The following PDZRN4 variants were observed in gnomAD, a reference collection of about 807,000 sequenced individuals.
The protein encoded by PDZRN4 is PDZ domain-containing RING finger protein 4.
PDZRN4 carries 70 observed loss-of-function variants against 99.0 expected under a neutral mutation model. The observed-to-expected ratio is 0.71, with a 90% CI of 0.58 to 0.86. PDZRN4 has a LOEUF of 0.86. Among genes scored for constraint, PDZRN4 ranks in the 40% least tolerant of loss-of-function variants. The pLI is 0.00. For synonymous variants in PDZRN4, 551 were observed against 501.6 expected (o/e 1.10, Z -1.32); for missense variants, 1,474 against 1,331.2 (o/e 1.11, Z -1.67).
In PDZRN4 at chr12:41,485,389, C is replaced by T. The variant is rs577077373; in HGVS notation, c.844-21067C>T. On this transcript the variant is annotated intron_variant, in intron 3 of 9. Transcript: ENST00000402685. Reference sequence around the variant, plus strand: ...ACTAGCTATTCCTGTGTTTCAATTCCGGTACGGAAATGACAAGTCAGGAAA... The same window carrying T: ...ACTAGCTATTCCTGTGTTTCAATTCTGGTACGGAAATGACAAGTCAGGAAA... Among the ~76,000 whole-genome samples the T allele has an allele frequency of 2.6e-5, 4 of 152,256 alleles. No individual in the cohort carries two copies. The South Asian group carries it at 6.2e-4, about 24-fold the overall frequency.
At chr12:41,551,833 C>CA (rs1190834997) in intron 5 of PDZRN4, among the ~76,000 whole-genome samples, 21 of 152,176 alleles carry the variant, frequency 1.4e-4, no homozygotes, top group Non-Finnish European at 2.9e-5. Flanking sequence ...ATCCTGAAGT[C>CA]ATCGGCTTCT....
intron 3 of PDZRN4, among the ~76,000 whole-genome samples, chr12:41,485,733 T>C (rs2120613001): frequency 6.6e-6 from 1 of 152,314 alleles, no homozygotes; most frequent in Non-Finnish European, 1.5e-5. Context: ...ATTCTTGTTC[T>C]CTGACATGAT....
chr12:41,450,719 T>C (rs1952767520), intron 3 of PDZRN4, among the ~76,000 whole-genome samples: 1 of 152,138 alleles, frequency 6.6e-6, no homozygotes, highest in Non-Finnish European at 1.5e-5. Context: ...GCCAGAAGTT[T>C]GAAACCAGCC....
At chr12:41,499,618 A>G (rs999200378) in intron 3 of PDZRN4, among the ~76,000 whole-genome samples, 1 of 152,130 alleles carries the variant, frequency 6.6e-6, no homozygotes, top group Non-Finnish European at 1.5e-5. Flanking sequence ...AGATAATGAA[A>G]GGAAAAAGCA....
intron 5 of PDZRN4, among the ~76,000 whole-genome samples, chr12:41,517,265 A>T (rs1938417415): frequency 1.3e-5 from 2 of 152,096 alleles, no homozygotes; most frequent in African/African-American, 4.8e-5. Context: ...AGGGATCTAG[A>T]TATAAAATAA....
At chr12:41,569,772 A>C (rs1026553121) in intron 9 of PDZRN4, among the ~76,000 whole-genome samples, 7 of 152,354 alleles carry the variant, frequency 4.6e-5, no homozygotes, top group African/African-American at 1.7e-4. Context: ...ACATAGTCAT[A>C]TGTGATATAC....
intron 3 of PDZRN4, among the ~76,000 whole-genome samples, chr12:41,229,614 G>T (rs148188665): frequency 6.6e-6 from 1 of 152,110 alleles, no homozygotes; most frequent in Non-Finnish European, 1.5e-5. Flanking sequence ...TGCTTTCCTT[G>T]AGTTTCACAT....
intron 3 of PDZRN4, among the ~76,000 whole-genome samples, chr12:41,422,731 T>A (rs886652032): frequency 1.3e-5 from 2 of 152,098 alleles, no homozygotes; most frequent in African/African-American, 4.8e-5. Flanking sequence ...TCCCTCGACA[T>A]GTGGGGATTG....
At chr12:41,254,148 T>A (rs549167060) in intron 3 of PDZRN4, among the ~76,000 whole-genome samples, 1 of 152,138 alleles carries the variant, frequency 6.6e-6, no homozygotes, top group African/African-American at 2.4e-5. Context: ...AGTAAATATA[T>A]ATATAAAGTA....
intron 3 of PDZRN4, among the ~76,000 whole-genome samples, chr12:41,287,534 A>C (rs758791443): frequency 6.6e-5 from 10 of 152,208 alleles, no homozygotes; most frequent in Admixed American, 1.3e-4. Flanking sequence ...CAGTTTGACT[A>C]CTTTAATGTG....
chr12:41,511,495 T>C (rs1938303722), intron 5 of PDZRN4, among the ~76,000 whole-genome samples: 1 of 152,048 alleles, frequency 6.6e-6, no homozygotes, highest in Admixed American at 6.6e-5. Context: ...CAGCTGTGAT[T>C]CCGTTGCCAA....
chr12:41,408,134 A>G (rs1952363118), intron 3 of PDZRN4, among the ~76,000 whole-genome samples: 1 of 152,238 alleles, frequency 6.6e-6, no homozygotes, highest in South Asian at 2.1e-4. Context: ...AATTTCAGGA[A>G]ATGGATATTA....
At chr12:41,251,435 A>G (rs1459922226) in intron 3 of PDZRN4, among the ~76,000 whole-genome samples, 3 of 152,040 alleles carry the variant, frequency 2.0e-5, no homozygotes, top group Non-Finnish European at 2.9e-5. Flanking sequence ...AGTATCAATG[A>G]TTTCACCATT....
rs142711078 is a variant in PDZRN4 at position 41,335,638 on chromosome 12, C to T, written c.843+141450C>T. ...GTTTGCCCAGGATATTAGTTTTCCA[C>T]TGGGTTACAGCACTGAGAATGAAGA... is the stretch of plus-strand genomic sequence containing the variant. On this transcript the variant is annotated intron_variant, in intron 3 of 9. Transcript: ENST00000402685. Among the ~76,000 whole-genome samples the T allele has an allele frequency of 1.6e-3, 247 of 152,182 alleles. 1 individual carries two copies. Among genetic ancestry groups the T allele is most frequent in the Non-Finnish European group, 2.8e-3 (189 of 68,000 alleles).
intron 3 of PDZRN4, among the ~76,000 whole-genome samples, chr12:41,330,426 G>A (rs1049488898): frequency 6.7e-6 from 1 of 148,844 alleles, no homozygotes; most frequent in African/African-American, 2.5e-5. Context: ...ATCCTGATCT[G>A]TAAAATGGGG....
At chr12:41,483,999 A>G (rs1480264206) in intron 3 of PDZRN4, among the ~76,000 whole-genome samples, 1 of 152,182 alleles carries the variant, frequency 6.6e-6, no homozygotes, top group African/African-American at 2.4e-5. Context: ...AAAAAATCAT[A>G]CATTTTTCAA....
Position 41,565,247 on chromosome 12 carries a change from G to C in PDZRN4, c.1467+1598G>C, listed in dbSNP as rs900525172. Among the ~76,000 whole-genome samples, 5 of 151,988 alleles carry C rather than the reference G, an allele frequency of 3.3e-5. No individual in the cohort carries two copies. In the South Asian group the frequency reaches 1.0e-3, roughly 32 times the overall value. On this transcript the variant is annotated intron_variant, in intron 8 of 9. Transcript: ENST00000402685. ...GAAAGATGGTTGTCTGACTCCATAG[G>C]ATGCTGTCCTGCCTGTCAAAATTAT...
chr12:41,554,784 G>GT (rs1490412369), intron 6 of PDZRN4, among the ~76,000 whole-genome samples: 1 of 152,074 alleles, frequency 6.6e-6, no homozygotes, highest in Admixed American at 6.6e-5. Flanking sequence ...GTAGTACTGA[G>GT]TAATTAAATG....
intron 3 of PDZRN4, among the ~76,000 whole-genome samples, chr12:41,374,202 G>A (rs1263079497): frequency 5.3e-5 from 8 of 152,280 alleles, no homozygotes; most frequent in African/African-American, 2.4e-5. Flanking sequence ...GTGGAGCTCA[G>A]GGTATGCAGG....
Sources: allele counts gnomAD v4.1 joint callset (sites outside exome capture counted in the v4.1 genomes callset), GRCh38; gene constraint gnomAD v4.1.1; transcripts MANE v1.5; gene names NCBI Gene and HGNC (gene_info 2026-07-23, HGNC 2026-07-21).